The following PIK3C2G variants were observed in gnomAD, a reference collection of about 807,000 sequenced individuals.
PIK3C2G encodes phosphatidylinositol-4-phosphate 3-kinase catalytic subunit type 2 gamma, also known as phosphatidylinositol 3-kinase C2 domain-containing subunit gamma.
A neutral mutation model predicts 181.1 loss-of-function variants in PIK3C2G; 168 were observed. The ratio of observed to expected loss-of-function variants is 0.93; its 90% CI spans 0.82 to 1.05. PIK3C2G has a LOEUF of 1.05. PIK3C2G is among the 50% of genes least tolerant of loss of function. PIK3C2G has a pLI of 0.00. For synonymous variants in PIK3C2G, 573 were observed against 592.2 expected, an observed-to-expected ratio of 0.97 and a Z score of 0.47; for missense variants, 1,869 against 1,732.8, an observed-to-expected ratio of 1.08 and a Z score of -1.40.
rs1565474066 is a variant in PIK3C2G, at chr12:18,522,558, C to T, written c.3324-15598C>T. ...TTCTTCAGCAATTTGAATATATCAT[C>T]CTATTCTCTCCTGGCTTGCAGGGTC... On this transcript the variant is annotated intron_variant, in intron 24 of 32. Coordinates refer to ENST00000538779, the MANE Select transcript of PIK3C2G (RefSeq NM_001288772.2). Among the ~76,000 whole-genome samples, 5 of 150,618 alleles carry T rather than the reference C, an allele frequency of 3.3e-5. No individual in the cohort carries two copies. The South Asian group carries it at 8.4e-4, about 25-fold the overall frequency.
At chr12:18,421,665 T>C (rs937968952) in intron 17 of PIK3C2G, among the ~76,000 whole-genome samples, 1 of 151,880 alleles carries the variant, frequency 6.6e-6, no homozygotes, top group Admixed American at 6.6e-5. Context: ...GAATAGAAGG[T>C]AAGTTGTTTT....
At chr12:18,337,781 A>C (rs1240253562) in intron 8 of PIK3C2G, among the ~76,000 whole-genome samples, 1 of 152,178 alleles carries the variant, frequency 6.6e-6, no homozygotes, top group Non-Finnish European at 1.5e-5. Flanking sequence ...CTTATATTTC[A>C]ATATGAGATT....
In PIK3C2G at chr12:18,362,768, A is replaced by G; in HGVS notation, c.1630A>G (p.Lys544Glu). The G allele has an allele frequency of 6.6e-7, 1 of 1,515,308 alleles. No homozygotes were observed. The highest frequency in any genetic ancestry group is 8.8e-7 in the Non-Finnish European group (1 of 1,140,630). 93.9% of individuals were successfully genotyped at this position (1,515,308 alleles called of 1,614,324 possible). A position where few individuals can be genotyped will look rare whatever the true frequency, so the allele number is the denominator to read the frequency against. The stretch of plus-strand genomic sequence containing the variant: ...ATTGATGTTGTTTCATTTTAGCTAC[A>G]AAGCGTTTTCTTTTACCTGTTGGCT... Reference protein sequence around the residue: ...NIPETWVHSYKAFSFTCWLTY... With the variant: ...NIPETWVHSYEAFSFTCWLTY... Residue 544 changes from lysine to glutamate, a missense_variant, in exon 12 of 33, where the codon AAA becomes GAA. Coordinates refer to ENST00000538779, the MANE Select transcript of PIK3C2G (RefSeq NM_001288772.2).
At chr12:18,335,221 C>A (rs1186726931) in intron 8 of PIK3C2G, among the ~76,000 whole-genome samples, 1 of 152,116 alleles carries the variant, frequency 6.6e-6, no homozygotes, top group East Asian at 1.9e-4. Context: ...TCTGCCCCTT[C>A]CCCCTACCTT....
intron 18 of PIK3C2G, among the ~76,000 whole-genome samples, chr12:18,471,050 C>G (rs1271606586): frequency 1.3e-5 from 2 of 152,076 alleles, no homozygotes; most frequent in African/African-American, 4.8e-5. Flanking sequence ...AGCATCGAAT[C>G]AGACTTACTC....
At chr12:18,516,025 C>T (rs1039664993) in intron 24 of PIK3C2G, among the ~76,000 whole-genome samples, 2 of 151,894 alleles carry the variant, frequency 1.3e-5, no homozygotes, top group Non-Finnish European at 2.9e-5. Context: ...TATAGTATTA[C>T]GTTATTCTGA....
At chr12:18,360,622 A>T (rs1941152723) in intron 11 of PIK3C2G, among the ~76,000 whole-genome samples, 1 of 152,204 alleles carries the variant, frequency 6.6e-6, no homozygotes, top group Non-Finnish European at 1.5e-5. Context: ...TTTTTGAAGG[A>T]TGATTTTATC....
intron 14 of PIK3C2G, among the ~76,000 whole-genome samples, chr12:18,385,357 G>A (rs566349482): frequency 5.3e-5 from 8 of 152,152 alleles, no homozygotes; most frequent in South Asian, 2.1e-4. Flanking sequence ...TGTGCCGACC[G>A]GAAGCAGTCG....
chr12:18,325,995 T>G (rs78280735), intron 8 of PIK3C2G, among the ~76,000 whole-genome samples: 18 of 152,074 alleles, frequency 1.2e-4, no homozygotes, highest in Admixed American at 1.1e-3. Flanking sequence ...CCCAAAGAGA[T>G]GATGAGGGCA....
intron 8 of PIK3C2G, among the ~76,000 whole-genome samples, chr12:18,337,965 A>C (rs1172031347): frequency 6.6e-6 from 1 of 152,180 alleles, no homozygotes. Context: ...CCAACTATAC[A>C]CTGATTCCAA....
At chr12:18,270,242 A>G (rs1257769944) in intron 1 of PIK3C2G, among the ~76,000 whole-genome samples, 1 of 152,122 alleles carries the variant, frequency 6.6e-6, no homozygotes, top group African/African-American at 2.4e-5. Context: ...ACTTATTAAC[A>G]CTATGGAAGG....
intron 24 of PIK3C2G, among the ~76,000 whole-genome samples, chr12:18,510,159 T>G (rs1942112183): frequency 6.6e-6 from 1 of 152,150 alleles, no homozygotes; most frequent in Admixed American, 6.5e-5. Context: ...TTTGTAGAGA[T>G]AGGGTCTCAC....
At chr12:18,477,417 T>TA (rs1939112870) in intron 18 of PIK3C2G, among the ~76,000 whole-genome samples, 1 of 152,136 alleles carries the variant, frequency 6.6e-6, no homozygotes, top group Admixed American at 6.6e-5. Context: ...AGGACAATTA[T>TA]ACCTGCCTAT....
chr12:18,428,492 A>G (rs1945965236), intron 18 of PIK3C2G, among the ~76,000 whole-genome samples: 1 of 152,142 alleles, frequency 6.6e-6, no homozygotes, highest in South Asian at 2.1e-4. Flanking sequence ...TTTCTCACTA[A>G]CATGACCAAT....
At chr12:18,470,508 T>C (rs897770027) in intron 18 of PIK3C2G, among the ~76,000 whole-genome samples, 7 of 152,166 alleles carry the variant, frequency 4.6e-5, no homozygotes, top group Non-Finnish European at 1.0e-4. Context: ...GTTCCAACCA[T>C]AGAAAGTTGT....
chr12:18,404,685 G>T (rs1344068420), intron 16 of PIK3C2G, among the ~76,000 whole-genome samples: 2 of 152,092 alleles, frequency 1.3e-5, no homozygotes, highest in African/African-American at 4.8e-5. Flanking sequence ...TATAACATTA[G>T]AAGAGAATTG....
the PIK3C2G span, chr12:18,685,413 G>T: frequency 5.4e-6 from 1 of 185,928 alleles, no homozygotes. Context: ...GTTTGGAGAA[G>T]AATCATGTGT....
At chr12:18,245,599 T>A (rs1460172177), upstream of PIK3C2G, among the ~76,000 whole-genome samples, 1 of 152,134 alleles carries the variant, frequency 6.6e-6, no homozygotes, top group Non-Finnish European at 1.5e-5. Context: ...ATTATCATTA[T>A]AATGTACAAT....
Position 18,562,853 on chromosome 12 carries a change from AAG to A in PIK3C2G, c.3744_3745del (p.Arg1248SerfsTer12). 3 of 1,605,862 alleles carry A rather than the reference AAG, an allele frequency of 1.9e-6. No individual in the cohort carries two copies. The highest frequency in any genetic ancestry group is 2.6e-6 in the Non-Finnish European group (3 of 1,175,502). On this transcript the variant is annotated frameshift_variant, in exon 27 of 33. Transcript: ENST00000538779. LOFTEE classifies it high-confidence loss of function. ...CLLSTTRSIE[R>X]ATILGFSKKS... ...TGCTGAGTACAACTAGGTCGATTGAAAGAGCAACAATTTTAGGGTTCAGCAAG... is the reference window on the plus strand; with the variant it reads ...TGCTGAGTACAACTAGGTCGATTGAAAGCAACAATTTTAGGGTTCAGCAAG...
Sources: allele counts gnomAD v4.1 joint callset (sites outside exome capture counted in the v4.1 genomes callset), GRCh38; gene constraint gnomAD v4.1.1; transcripts MANE v1.5; gene names NCBI Gene and HGNC (gene_info 2026-07-23, HGNC 2026-07-21).